The following CPD variants were observed in gnomAD, a reference collection of about 807,000 sequenced individuals.
The protein encoded by CPD is metallocarboxypeptidase D.
In CPD, 69 loss-of-function variants were observed where a neutral mutation model predicts 138.3. The observed-to-expected ratio is 0.50, with a 90% CI of 0.41 to 0.61. CPD has a LOEUF of 0.61. Ranked by LOEUF, CPD falls within the 20% of genes least tolerant of loss-of-function variation. CPD has a pLI of 0.00. For missense variants in CPD, 1,432 were observed against 1,733.3 expected, an observed-to-expected ratio of 0.83 and a Z score of 3.09; for synonymous variants, 651 against 642.1, an observed-to-expected ratio of 1.01 and a Z score of -0.21.
At chr17:30,404,941 T>A (rs545823871) in intron 2 of CPD, among the ~76,000 whole-genome samples, 1 of 152,260 alleles carries the variant, frequency 6.6e-6, no homozygotes, top group East Asian at 1.9e-4. Context: ...GTAAAAACAT[T>A]TATGTTGGCT....
chr17:30,439,067 T>C lies in CPD; in HGVS notation c.2220T>C (p.Tyr740=). The part of the protein sequence containing the change: ...PHGITNGASW[Y]NVPGGMQDWN... ...GAATAACAAATGGAGCTAGTTGGTA[T>C]AATGTGCCAGGTAAAGATTCTTTTA... Residue 740 remains tyrosine (Y), a synonymous_variant, in exon 9 of 21, where the codon TAT becomes TAC. Coordinates refer to ENST00000225719, the MANE Select transcript of CPD (RefSeq NM_001304.5). 6.3e-7 allele frequency: 1 copy of C among 1,583,052 alleles called. No individual in the cohort carries two copies. The highest frequency in any genetic ancestry group is 8.6e-7 in the Non-Finnish European group (1 of 1,167,010).
Position 30,418,040 on chromosome 17 carries a change from C to T in CPD, c.995-2801C>T, listed in dbSNP as rs192481245. ...CCTGACTGCAGTGCTCCTGAACCCC[C>T]GCTCCTTTTGGCTGACTTACAGTTT... On this transcript the variant is annotated intron_variant, in intron 2 of 20. Transcript: ENST00000225719. Among the ~76,000 whole-genome samples, 19 of 152,176 alleles carry T rather than the reference C, an allele frequency of 1.2e-4. No homozygotes were observed. The East Asian group carries it at 2.3e-3, about 19-fold the overall frequency.
chr17:30,436,412 T>C (rs1489176125), intron 8 of CPD, among the ~76,000 whole-genome samples: 1 of 152,170 alleles, frequency 6.6e-6, no homozygotes, highest in Non-Finnish European at 1.5e-5. Flanking sequence ...TAAAGAACTC[T>C]TATGGCTAAA....
chr17:30,402,382 A>G (rs956711679), intron 2 of CPD, among the ~76,000 whole-genome samples: 6 of 152,206 alleles, frequency 3.9e-5, no homozygotes, highest in African/African-American at 1.4e-4. Flanking sequence ...CCTGGCCAAC[A>G]TGGTGAAACC....
chr17:30,444,546 ACAGAGCTTCTCTCTATCGCC>A (rs1190019690), intron 11 of CPD, among the ~76,000 whole-genome samples: 1 of 126,082 alleles, frequency 7.9e-6, no homozygotes, highest in Non-Finnish European at 1.6e-5. Flanking sequence ...TTTTTTTGAG[ACAGAGCTTCTCTCTATCGCC>A]CAGGCTGGAG....
At chr17:30,435,611 G>A (rs971067053) in intron 8 of CPD, among the ~76,000 whole-genome samples, 18 of 152,024 alleles carry the variant, frequency 1.2e-4, no homozygotes, top group African/African-American at 3.4e-4. Flanking sequence ...ATATGACATC[G>A]GAAGCACAAG....
chr17:30,404,435 CAATA>C (rs1161077595), intron 2 of CPD, among the ~76,000 whole-genome samples: 2 of 152,082 alleles, frequency 1.3e-5, no homozygotes, highest in East Asian at 3.8e-4. Context: ...AATATCGTGA[CAATA>C]AATATATGCC....
In CPD at chr17:30,379,006, C is replaced by A; in HGVS notation, c.26C>A (p.Pro9Gln). Residue 9 changes from proline to glutamine, a missense_variant, in exon 1 of 21, where the codon CCG (proline) becomes CAG (glutamine). This residue lies in a region of CPD where 484 missense variants were observed against 477.2 expected (regional missense o/e 1.01). Transcript: ENST00000225719. The surrounding 1 kb of genome is among the most constrained non-coding windows in gnomAD (Gnocchi z 7.0). ...ATGGCGAGCGGCCGGGACGAGCGGC[C>A]GCCTTGGCGGCTAGGGCGGCTCCTG... MASGRDER[P>Q]PWRLGRLLLL... The A allele has an allele frequency of 1.9e-6, 3 of 1,547,378 alleles. No individual in the cohort carries two copies. The highest frequency in any genetic ancestry group is 2.6e-6 in the Non-Finnish European group (3 of 1,156,680).
chr17:30,411,502 A>G (rs143253036), intron 2 of CPD, among the ~76,000 whole-genome samples: 2 of 152,282 alleles, frequency 1.3e-5, no homozygotes, highest in African/African-American at 4.8e-5. Context: ...CACCAATCAA[A>G]TGTAGATTTG....
intron 2 of CPD, among the ~76,000 whole-genome samples, chr17:30,393,573 C>G (rs1186769428): frequency 6.6e-6 from 1 of 152,158 alleles, no homozygotes; most frequent in Non-Finnish European, 1.5e-5. Context: ...TCTTTCAGAA[C>G]TAGTAGGTCA....
chr17:30,463,399 G>T (rs761830672), intron 20 of CPD, among the ~76,000 whole-genome samples: 23 of 152,216 alleles, frequency 1.5e-4, no homozygotes, highest in Non-Finnish European at 3.2e-4. Context: ...TTAGCACGCA[G>T]TGGGTCTTAA....
chr17:30,445,267 C>T (rs867713724), intron 11 of CPD, among the ~76,000 whole-genome samples: 1 of 152,068 alleles, frequency 6.6e-6, no homozygotes, highest in East Asian at 1.9e-4. Context: ...AAGTTTGAGA[C>T]CAGCCTGGCC....
intron 4 of CPD, among the ~76,000 whole-genome samples, 179 bp downstream of exon 4, chr17:30,422,012 T>C (rs113761669): frequency 0.013 from 1,913 of 152,298 alleles, 35 homozygotes; most frequent in African/African-American, 0.044. Context: ...TGTCACATAG[T>C]CTAATAGTAC....
At position 30,419,589 on chromosome 17, in the gene CPD, C is replaced by T. The variant is rs181471071; in HGVS notation, c.995-1252C>T. ...CTCCTGAGCTCAGGCAATCTGCCCG[C>T]CTCCACCTCACAAAGTGCTAGGATT... On this transcript the variant is annotated intron_variant, in intron 2 of 20. Coordinates refer to ENST00000225719, the MANE Select transcript of CPD (RefSeq NM_001304.5). Among the ~76,000 whole-genome samples the T allele has an allele frequency of 9.8e-5, 15 of 152,286 alleles. No individual in the cohort carries two copies. The East Asian group carries it at 2.7e-3, about 27-fold the overall frequency.
In CPD at chr17:30,439,184, T is replaced by A. The variant is rs1047763110; in HGVS notation, c.2230+107T>A. Reference sequence around the variant, plus strand: ...AGTTTTGAGGAATAATAATTATTTTTAAAACATGGTTTAAATAGTTTAAAA... The same window carrying A: ...AGTTTTGAGGAATAATAATTATTTTAAAAACATGGTTTAAATAGTTTAAAA... On this transcript the variant is annotated intron_variant, in intron 9 of 20. Transcript: ENST00000225719. 17 of 638,180 alleles carry A rather than the reference T, an allele frequency of 2.7e-5. No homozygotes were observed. In the Admixed American group the frequency reaches 4.9e-4, roughly 18 times the overall value. The allele number at this position is 638,180 out of a possible 1,614,324, so 39.5% of individuals were successfully genotyped here. A position where few individuals can be genotyped will look rare whatever the true frequency, so the allele number is the denominator to read the frequency against.
intron 7 of CPD, 113 bp downstream of exon 7, chr17:30,427,671 T>G: frequency 1.1e-6 from 1 of 920,500 alleles, no homozygotes; most frequent in Non-Finnish European, 1.7e-6. Flanking sequence ...ATCCTGTTAC[T>G]GCTCTTATGG....
chr17:30,391,529 G>C (rs1277062644), intron 2 of CPD, among the ~76,000 whole-genome samples: 1 of 152,110 alleles, frequency 6.6e-6, no homozygotes, highest in Non-Finnish European at 1.5e-5. Flanking sequence ...AAGTTTTCTT[G>C]GGCAGAACAT....
chr17:30,427,336 G>A, intron 6 of CPD, 55 bp from the exon 7 acceptor site: 2 of 1,538,512 alleles, frequency 1.3e-6, no homozygotes, highest in Non-Finnish European at 1.8e-6. Context: ...GTACGTGTTG[G>A]AATAAAATAT....
intron 14 of CPD, 146 bp downstream of exon 14, chr17:30,451,992 G>A: frequency 2.7e-6 from 2 of 754,082 alleles, no homozygotes; most frequent in East Asian, 3.1e-5. Context: ...TCAGACATCT[G>A]GAAAAGTTTT....
Sources: allele counts gnomAD v4.1 joint callset (sites outside exome capture counted in the v4.1 genomes callset), GRCh38; gene constraint gnomAD v4.1.1; regional missense constraint gnomAD v4.1.1; non-coding constraint Gnocchi (gnomAD v3.1); transcripts MANE v1.5; gene names NCBI Gene and HGNC (gene_info 2026-07-23, HGNC 2026-07-21).